The following GALNT11 variants were observed in gnomAD, a reference collection of about 807,000 sequenced individuals.
The protein encoded by GALNT11 is UDP-GalNAc:polypeptide N-acetylgalactosaminyltransferase 11.
GALNT11 carries 47 observed loss-of-function variants against 72.7 expected under a neutral mutation model. The ratio of observed to expected loss-of-function variants is 0.65; its 90% CI spans 0.51 to 0.82. The LOEUF (loss-of-function observed/expected upper bound fraction) is 0.82, where lower values mean the gene tolerates loss of function less well. Among genes scored for constraint, GALNT11 ranks in the 40% least tolerant of loss-of-function variants. The pLI, the probability that GALNT11 is intolerant of heterozygous loss-of-function variation, is 0.00. For synonymous variants in GALNT11, 270 were observed against 286.6 expected, an observed-to-expected ratio of 0.94 and a Z score of 0.58; for missense variants, 677 against 778.4, an observed-to-expected ratio of 0.87 and a Z score of 1.55.
At chr7:152,101,652 G>T (rs375949185) in intron 3 of GALNT11, among the ~76,000 whole-genome samples, 42 of 144,658 alleles carry the variant, frequency 2.9e-4, no homozygotes, top group Non-Finnish European at 3.8e-4. Context: ...TGGGGGGGGG[G>T]GGATGGAGTC....
intron 1 of GALNT11, among the ~76,000 whole-genome samples, chr7:152,085,775 A>G (rs937504203): frequency 9.2e-5 from 14 of 151,930 alleles, no homozygotes; most frequent in Non-Finnish European, 1.8e-4. Flanking sequence ...AGTGCATGGC[A>G]TGATCTTGAC....
rs541320859 is a variant in GALNT11, at chr7:152,059,208, G to A, written c.-39+33324G>A. Among the ~76,000 whole-genome samples the A allele has an allele frequency of 2.4e-4, 37 of 152,140 alleles. 1 individual carries two copies. The East Asian group carries it at 6.6e-3, about 27-fold the overall frequency. On this transcript the variant is annotated intron_variant, in intron 1 of 11. Coordinates refer to ENST00000430044, the MANE Select transcript of GALNT11 (RefSeq NM_022087.4). ...ACTTCTGGGTTCAAGCAGTCCTCCC[G>A]CCTCAGCCTCCCGAGTTGTTGGGAC...
chr7:152,030,287 A>G (rs936796748), intron 1 of GALNT11, among the ~76,000 whole-genome samples: 4 of 152,148 alleles, frequency 2.6e-5, no homozygotes, highest in Non-Finnish European at 4.4e-5. Context: ...CACTAGACCA[A>G]GGAGCCCTCT....
At chr7:152,040,838 A>G (rs1361255503) in intron 1 of GALNT11, among the ~76,000 whole-genome samples, 1 of 152,208 alleles carries the variant, frequency 6.6e-6, no homozygotes, top group Non-Finnish European at 1.5e-5. Flanking sequence ...GAGCCAGAAT[A>G]AGAAGCTTTA....
At position 152,085,738 on chromosome 7, in the gene GALNT11, A is replaced by G. The variant is rs372865427; in HGVS notation, c.-38-8452A>G. 2.5e-4 allele frequency among the ~76,000 whole-genome samples: 38 copies of G among 151,610 alleles called. 3 individuals carry two copies. Among genetic ancestry groups the G allele is most frequent in the Admixed American group, 1.6e-3 (25 of 15,206 alleles). On this transcript the variant is annotated intron_variant, in intron 1 of 11. Coordinates refer to ENST00000430044, the MANE Select transcript of GALNT11 (RefSeq NM_022087.4). ...TGGCTTCTTTTTTTTATTTTTGGAG[A>G]CAGTCTCGCTCTCTTGCCCAGGTTG...
At chr7:152,056,634 T>TAAAAAG (rs1307315147) in intron 1 of GALNT11, among the ~76,000 whole-genome samples, 1 of 152,090 alleles carries the variant, frequency 6.6e-6, no homozygotes, top group African/African-American at 2.4e-5. Context: ...GAAGCAGAAG[T>TAAAAAG]AAAAAGAAAA....
At chr7:152,110,327 C>T (rs144783152) in intron 6 of GALNT11, among the ~76,000 whole-genome samples, 1 of 152,260 alleles carries the variant, frequency 6.6e-6, no homozygotes, top group Non-Finnish European at 1.5e-5. Flanking sequence ...CTTCGTATGC[C>T]AGATACTAGC....
intron 1 of GALNT11, among the ~76,000 whole-genome samples, chr7:152,091,993 C>T (rs896185242): frequency 3.9e-5 from 6 of 152,140 alleles, no homozygotes; most frequent in African/African-American, 1.2e-4. Flanking sequence ...AGCGGGAAGG[C>T]CGGGAGTGGT....
intron 9 of GALNT11, chr7:152,118,419 GTA>G (rs1388486399): frequency 2.2e-5 from 9 of 405,812 alleles, no homozygotes; most frequent in Non-Finnish European, 4.0e-5. Context: ...TAGTAAACAT[GTA>G]TATGTAGCTA....
chr7:152,087,002 C>T (rs2129029362), intron 1 of GALNT11, among the ~76,000 whole-genome samples: 1 of 152,232 alleles, frequency 6.6e-6, no homozygotes, highest in East Asian at 1.9e-4. Context: ...AATTTGCAAG[C>T]ATGTTGCTAA....
At chr7:152,105,596 A>G (rs2087453046) in intron 5 of GALNT11, among the ~76,000 whole-genome samples, 1 of 152,170 alleles carries the variant, frequency 6.6e-6, no homozygotes, top group Non-Finnish European at 1.5e-5. Context: ...CTCAGTGTCT[A>G]TTTTCATAGC....
chr7:152,118,989 T>C (rs994011210), intron 10 of GALNT11: 8 of 380,292 alleles, frequency 2.1e-5, no homozygotes, highest in African/African-American at 1.7e-4. Context: ...GGTCTGATTT[T>C]TCACCGAAAA....
chr7:152,068,045 C>T (rs1054312441), intron 1 of GALNT11, among the ~76,000 whole-genome samples: 1 of 152,072 alleles, frequency 6.6e-6, no homozygotes, highest in East Asian at 1.9e-4. Flanking sequence ...CATGAGGGAT[C>T]GATTCACCCC....
At chr7:152,113,629 C>A (rs1021930076) in intron 8 of GALNT11, among the ~76,000 whole-genome samples, 2 of 147,898 alleles carry the variant, frequency 1.4e-5, no homozygotes, top group African/African-American at 2.5e-5. Flanking sequence ...AGAAGTAATG[C>A]GGCTAATGTT....
Position 152,121,854 on chromosome 7 carries a change from G to A in GALNT11, c.*177G>A, listed in dbSNP as rs968403414. 3.0e-5 allele frequency: 21 copies of A among 697,820 alleles called. No individual in the cohort carries two copies. Among genetic ancestry groups the A allele is most frequent in the Middle Eastern group, 8.3e-4 (2 of 2,410 alleles). The allele number at this position is 697,820 out of a possible 1,614,324, so 43.2% of individuals were successfully genotyped here. A position where few individuals can be genotyped will look rare whatever the true frequency, so the allele number is the denominator to read the frequency against. ...GAGGTGACACGTGTCTGACAGAGAC[G>A]GGAGCTCTGAGTGTCCACGGGTGAA... is the stretch of plus-strand genomic sequence containing the variant. On this transcript the variant is annotated 3_prime_UTR_variant, in exon 12 of 12. Coordinates refer to ENST00000430044, the MANE Select transcript of GALNT11 (RefSeq NM_022087.4).
At chr7:152,086,405 G>T (rs866048762) in intron 1 of GALNT11, among the ~76,000 whole-genome samples, 2 of 152,312 alleles carry the variant, frequency 1.3e-5, no homozygotes, top group Middle Eastern at 3.4e-3. Context: ...TAAAAGAAAT[G>T]ATGGGATTTT....
intron 10 of GALNT11, chr7:152,119,560 G>A (rs2089230610): frequency 6.6e-6 from 1 of 152,140 alleles, no homozygotes; most frequent in Non-Finnish European, 1.5e-5. Flanking sequence ...GGTGATACGT[G>A]TGTTGAAAAT....
intron 2 of GALNT11, among the ~76,000 whole-genome samples, chr7:152,098,108 A>T (rs1242658150): frequency 6.6e-6 from 1 of 152,204 alleles, no homozygotes; most frequent in African/African-American, 2.4e-5. Context: ...ATTTCTGAGT[A>T]GAGAATTACT....
rs147642179 is a variant in GALNT11, at chr7:152,094,279, G to A, written c.52G>A (p.Ala18Thr). The change falls in exon 2 of 12, where the codon GCG (alanine) becomes ACG (threonine). Residue 18 changes from alanine to threonine, a missense_variant. Coordinates refer to ENST00000430044, the MANE Select transcript of GALNT11 (RefSeq NM_022087.4). This position sits in a 1 kb window ranked among gnomAD's most constrained non-coding sequence, Gnocchi z 4.3. ...YFCYGCLFTS[A>T]TWTVLLFVYF... ...CTGTTATGGGTGCCTTTTTACATCT[G>A]CGACCTGGACAGTTTTGCTTTTTGT... The A allele has an allele frequency of 1.9e-6, 3 of 1,613,488 alleles. No individual in the cohort carries two copies.
Sources: allele counts gnomAD v4.1 joint callset (sites outside exome capture counted in the v4.1 genomes callset), GRCh38; gene constraint gnomAD v4.1.1; non-coding constraint Gnocchi (gnomAD v3.1); transcripts MANE v1.5; gene names NCBI Gene and HGNC (gene_info 2026-07-23, HGNC 2026-07-21).